KCNT2: variants seen among roughly 807,000 people sequenced by gnomAD.
KCNT2 encodes the protein potassium sodium-activated channel subfamily T member 2.
In KCNT2, 67 loss-of-function variants were observed where a neutral mutation model predicts 153.8. That is an observed-to-expected ratio of 0.44 (90% CI 0.36 to 0.53). KCNT2 has a LOEUF of 0.53. KCNT2 is among the 20% of genes least tolerant of loss of function. KCNT2 has a pLI of 0.00. For synonymous variants in KCNT2, 500 were observed against 458.8 expected (o/e 1.09, Z -1.15); for missense variants, 975 against 1,354.8 (o/e 0.72, Z 4.40).
intron 26 of KCNT2, among the ~76,000 whole-genome samples, chr1:196,242,961 A>G (rs1185864400): frequency 1.3e-5 from 2 of 152,180 alleles, no homozygotes; most frequent in Non-Finnish European, 2.9e-5. Flanking sequence ...TCCCAAGTGC[A>G]CATTCAATGA....
chr1:196,398,756 G>C, intron 12 of KCNT2, 85 bp from the exon 13 acceptor site: 1 of 685,460 alleles, frequency 1.5e-6, no homozygotes, highest in Non-Finnish European at 2.5e-6. Context: ...AGTTTGCTTG[G>C]TCACATCCAT....
chr1:196,533,991 T>C (rs936181989), intron 1 of KCNT2, among the ~76,000 whole-genome samples: 9 of 152,030 alleles, frequency 5.9e-5, no homozygotes, highest in African/African-American at 2.2e-4. Context: ...ATCTGATTAA[T>C]TTAAAATTGG....
intron 22 of KCNT2, among the ~76,000 whole-genome samples, chr1:196,286,822 T>A (rs1449192155): frequency 1.3e-5 from 2 of 152,150 alleles, no homozygotes; most frequent in Non-Finnish European, 2.9e-5. Flanking sequence ...TTCTTGAGAA[T>A]GTAAGTTAAG....
chr1:196,423,952 G>A (rs1349894897), intron 11 of KCNT2, among the ~76,000 whole-genome samples: 6 of 151,770 alleles, frequency 4.0e-5, no homozygotes. Context: ...CTATGCATGA[G>A]GAATTGCACT....
chr1:196,569,762 C>A lies in KCNT2; in HGVS notation c.95+38453G>T, dbSNP rs78023495. ...AAGGAAGAGAATGGCAGCCCTCATACTGCAAGTCCCTATTCATACCTAAGC... is the reference window on the plus strand; with the variant it reads ...AAGGAAGAGAATGGCAGCCCTCATAATGCAAGTCCCTATTCATACCTAAGC... On this transcript the variant is annotated intron_variant, in intron 1 of 27. Coordinates refer to ENST00000294725, the MANE Select transcript of KCNT2 (RefSeq NM_198503.5). Among the ~76,000 whole-genome samples, 1,014 of 152,218 alleles carry A rather than the reference C, an allele frequency of 6.7e-3. 9 individuals carry two copies. The highest frequency in any genetic ancestry group is 0.02 in the Middle Eastern group (6 of 294).
At chr1:196,604,937 T>C (rs1373691035) in intron 1 of KCNT2, among the ~76,000 whole-genome samples, 1 of 152,146 alleles carries the variant, frequency 6.6e-6, no homozygotes, top group African/African-American at 2.4e-5. Context: ...GACCTACTTA[T>C]CCAAAGTTGA....
In KCNT2 at chr1:196,333,715, T is replaced by C. The variant is rs914644392; in HGVS notation, c.1997+132A>G. ...AGCAGTGCGTTTTGGTAGAAGTATA[T>C]AGGAATGATTCTAGGATGTTCAGAA... On this transcript the variant is annotated intron_variant, in intron 17 of 27. Coordinates refer to ENST00000294725, the MANE Select transcript of KCNT2 (RefSeq NM_198503.5). 9.4e-6 allele frequency: 6 copies of C among 636,594 alleles called. No homozygotes were observed. In the East Asian group the frequency reaches 1.4e-4, roughly 14 times the overall value. 39.4% of individuals were successfully genotyped at this position (636,594 alleles called of 1,614,324 possible). A position where few individuals can be genotyped will look rare whatever the true frequency, so the allele number is the denominator to read the frequency against.
At chr1:196,321,065 T>C (rs1170843723) in intron 19 of KCNT2, among the ~76,000 whole-genome samples, 1 of 151,556 alleles carries the variant, frequency 6.6e-6, no homozygotes, top group Non-Finnish European at 1.5e-5. Flanking sequence ...CTATAAACAG[T>C]TTTAAAGATC....
chr1:196,544,872 A>T (rs988276720), intron 1 of KCNT2, among the ~76,000 whole-genome samples: 1 of 152,246 alleles, frequency 6.6e-6, no homozygotes, highest in East Asian at 1.9e-4. Flanking sequence ...CTCCTGTGAG[A>T]CTAAGCAATG....
chr1:196,602,941 C>T (rs1211175714), intron 1 of KCNT2, among the ~76,000 whole-genome samples: 8 of 150,632 alleles, frequency 5.3e-5, no homozygotes, highest in South Asian at 2.1e-4. Context: ...CGCCCGCCAC[C>T]GCGCCCGGCT....
At chr1:196,523,475 A>G (rs1322563569) in intron 1 of KCNT2, among the ~76,000 whole-genome samples, 1 of 152,248 alleles carries the variant, frequency 6.6e-6, no homozygotes, top group East Asian at 1.9e-4. Flanking sequence ...GGATTGAAGC[A>G]GGAGCCCATC....
chr1:196,410,055 A>T (rs1672155046), intron 12 of KCNT2, among the ~76,000 whole-genome samples: 1 of 151,718 alleles, frequency 6.6e-6, no homozygotes, highest in South Asian at 2.1e-4. Flanking sequence ...GATGCTGATC[A>T]TCTGTTCAAA....
chr1:196,448,811 G>A (rs1195420378), intron 8 of KCNT2, among the ~76,000 whole-genome samples: 1 of 151,322 alleles, frequency 6.6e-6, no homozygotes, highest in Non-Finnish European at 1.5e-5. Context: ...GACTTTTTTT[G>A]TTTTGTTTTC....
intron 1 of KCNT2, among the ~76,000 whole-genome samples, chr1:196,543,002 G>A (rs149778531): frequency 2.3e-4 from 35 of 152,170 alleles, no homozygotes; most frequent in African/African-American, 7.9e-4. Context: ...AATAAAACAC[G>A]TTCAGAGTAG....
At chr1:196,604,497 C>G (rs1177442196) in intron 1 of KCNT2, among the ~76,000 whole-genome samples, 1 of 152,070 alleles carries the variant, frequency 6.6e-6, no homozygotes, top group Non-Finnish European at 1.5e-5. Context: ...AAAAGACATC[C>G]CTACACATAA....
intron 1 of KCNT2, among the ~76,000 whole-genome samples, chr1:196,591,598 C>T (rs565437709): frequency 4.6e-5 from 7 of 152,266 alleles, no homozygotes; most frequent in African/African-American, 1.7e-4. Flanking sequence ...GAATGCAAAT[C>T]TCCAATGCTC....
At chr1:196,229,466 C>A (rs1179604680) in intron 27 of KCNT2, among the ~76,000 whole-genome samples, 2 of 152,050 alleles carry the variant, frequency 1.3e-5, no homozygotes, top group East Asian at 3.8e-4. Flanking sequence ...CATCTGTATT[C>A]CCCAAGACAC....
chr1:196,577,780 CT>C (rs1169466735), intron 1 of KCNT2, among the ~76,000 whole-genome samples: 3 of 151,914 alleles, frequency 2.0e-5, no homozygotes, highest in African/African-American at 7.3e-5. Context: ...AAAGCAAGAC[CT>C]AAAAGGATCA....
chr1:196,484,478 A>T (rs1679259565), intron 3 of KCNT2, among the ~76,000 whole-genome samples: 1 of 151,674 alleles, frequency 6.6e-6, no homozygotes. Flanking sequence ...AGGTTGCCTG[A>T]TATTCACTCT....
Sources: allele counts gnomAD v4.1 joint callset (sites outside exome capture counted in the v4.1 genomes callset), GRCh38; gene constraint gnomAD v4.1.1; transcripts MANE v1.5; gene names NCBI Gene and HGNC (gene_info 2026-07-23, HGNC 2026-07-21).